ASTN1: variants seen among roughly 807,000 people sequenced by gnomAD.
The protein encoded by ASTN1 is astrotactin 1, also known as astrotactin-1.
Under a neutral mutation model 140.7 loss-of-function variants are expected in ASTN1, and 41 were observed. The observed-to-expected ratio is 0.29, with a 90% CI of 0.23 to 0.38. The LOEUF (loss-of-function observed/expected upper bound fraction) is 0.38, where lower values mean the gene tolerates loss of function less well. Among genes scored for constraint, ASTN1 ranks in the 10% least tolerant of loss-of-function variants. The pLI is 1.00. For missense variants in ASTN1, 1,479 were observed against 1,678.8 expected (o/e 0.88, Z 2.08); for synonymous variants, 640 against 652.2 (o/e 0.98, Z 0.29).
rs148991948 is a variant in ASTN1 at position 176,936,864 on chromosome 1, A to G, written c.2378-494T>C. On this transcript the variant is annotated intron_variant, in intron 14 of 22. Transcript: ENST00000361833. Reference sequence around the variant, plus strand: ...TTCAATTCGGATTTCTACCAGCTGTATGGTTTTGGGCCATGCAACTCATTT... The same window carrying G: ...TTCAATTCGGATTTCTACCAGCTGTGTGGTTTTGGGCCATGCAACTCATTT... Among the ~76,000 whole-genome samples the G allele has an allele frequency of 1.4e-4, 22 of 152,310 alleles. No individual in the cohort carries two copies. In the East Asian group the frequency reaches 4.2e-3, roughly 29 times the overall value.
intron 2 of ASTN1, among the ~76,000 whole-genome samples, chr1:177,044,202 CAT>C (rs1553248861): frequency 5.4e-5 from 8 of 147,516 alleles, no homozygotes; most frequent in East Asian, 1.9e-4. Flanking sequence ...CACACACACA[CAT>C]ACACACACAC....
chr1:177,112,933 T>C (rs1411620698), intron 1 of ASTN1, among the ~76,000 whole-genome samples: 1 of 152,216 alleles, frequency 6.6e-6, no homozygotes, highest in Non-Finnish European at 1.5e-5. Flanking sequence ...GAAGGTTCTC[T>C]TTCATATTCA....
chr1:176,919,767 C>G (rs1557960074), intron 16 of ASTN1, among the ~76,000 whole-genome samples: 1 of 152,230 alleles, frequency 6.6e-6, no homozygotes, highest in Non-Finnish European at 1.5e-5. Flanking sequence ...CAGGAGGGAC[C>G]AGGGCAGCCT....
chr1:177,147,900 A>T (rs1025271496), intron 1 of ASTN1, among the ~76,000 whole-genome samples: 4 of 152,146 alleles, frequency 2.6e-5, no homozygotes, highest in African/African-American at 7.2e-5. Flanking sequence ...AGCAATCCTG[A>T]CTTCCTCTGA....
intron 1 of ASTN1, among the ~76,000 whole-genome samples, chr1:177,086,856 A>G: frequency 6.6e-6 from 1 of 152,154 alleles, no homozygotes; most frequent in Admixed American, 6.5e-5. Context: ...AGAGGAAATA[A>G]TAGTTTTAAT....
intron 20 of ASTN1, among the ~76,000 whole-genome samples, chr1:176,882,622 C>T (rs1216370473): frequency 6.6e-6 from 1 of 151,882 alleles, no homozygotes; most frequent in Non-Finnish European, 1.5e-5. Flanking sequence ...TTTTTTATAT[C>T]TTTCCCCTCT....
At chr1:177,029,776 T>C (rs942617701) in intron 4 of ASTN1, 35 bp from the exon 5 acceptor site, 6 of 1,573,506 alleles carry the variant, frequency 3.8e-6, no homozygotes, top group African/African-American at 1.4e-5. Context: ...GAAAGCGTTT[T>C]CAGTTCTGGT....
rs1375091294 is a variant in ASTN1, at chr1:176,934,336, G to C, written c.2487C>G (p.Leu829=). The change falls in exon 16 of 23, where the codon CTC becomes CTG. Residue 829 remains leucine, a synonymous_variant. Transcript: ENST00000361833. ...KLNQVAISQA[L]SNALHSLDGA... ...CATCCAGCGAGTGGAGAGCATTGCT[G>C]AGGGCTATGGAGAGGCATCACCCAA... The C allele has an allele frequency of 6.2e-7, 1 of 1,602,980 alleles. No individual in the cohort carries two copies. The highest frequency in any genetic ancestry group is 1.7e-5 in the Admixed American group (1 of 59,840).
At chr1:176,981,530 A>C (rs536151265) in intron 8 of ASTN1, 1 of 152,336 alleles carries the variant, frequency 6.6e-6, no homozygotes, top group Non-Finnish European at 1.5e-5. Context: ...GCCACGTGAG[A>C]CACAGACACA....
At position 176,864,223 on chromosome 1, in the gene ASTN1, C is replaced by A. The variant is rs1668056929; in HGVS notation, c.*61G>T. On this transcript the variant is annotated 3_prime_UTR_variant, in exon 23 of 23. Transcript: ENST00000361833. The stretch of plus-strand genomic sequence containing the variant: ...AAAATATTAAAAATCCACAGACCAA[C>A]CCAGATGGATCCCTCCTCTTTCCTA... The A allele has an allele frequency of 1.3e-6, 2 of 1,585,354 alleles. No individual in the cohort carries two copies. Among genetic ancestry groups the A allele is most frequent in the African/African-American group, 2.7e-5 (2 of 74,208 alleles).
intron 1 of ASTN1, among the ~76,000 whole-genome samples, chr1:177,113,505 T>C (rs544491767): frequency 3.0e-4 from 45 of 152,378 alleles, no homozygotes; most frequent in African/African-American, 1.1e-3. Context: ...CCTTGCCTTC[T>C]TCCACTACCA....
At chr1:177,048,225 A>T (rs1053171228) in intron 2 of ASTN1, among the ~76,000 whole-genome samples, 1 of 152,080 alleles carries the variant, frequency 6.6e-6, no homozygotes, top group Non-Finnish European at 1.5e-5. Context: ...AATCTCCAGT[A>T]CCTCGGACGA....
At chr1:177,068,809 CTTCT>C (rs1678491552) in intron 1 of ASTN1, among the ~76,000 whole-genome samples, 1 of 150,116 alleles carries the variant, frequency 6.7e-6, no homozygotes, top group African/African-American at 2.5e-5. Context: ...TCTTTTTTTC[CTTCT>C]TTCTTTTCTT....
chr1:177,138,917 A>G lies in ASTN1; in HGVS notation c.283+25477T>C, dbSNP rs112323733. Reference sequence around the variant, plus strand: ...CAACCAATGTTCAGGAGCTTTGAATAAAACTTGGCTGTGGTCATTTAAAAT... The same window carrying G: ...CAACCAATGTTCAGGAGCTTTGAATGAAACTTGGCTGTGGTCATTTAAAAT... On this transcript the variant is annotated intron_variant, in intron 1 of 22. Coordinates refer to ENST00000361833, the MANE Select transcript of ASTN1 (RefSeq NM_004319.3). 2.5e-3 allele frequency among the ~76,000 whole-genome samples: 376 copies of G among 152,356 alleles called. 2 individuals are homozygous for G. The highest frequency in any genetic ancestry group is 8.2e-3 in the African/African-American group (339 of 41,586).
intron 9 of ASTN1, among the ~76,000 whole-genome samples, chr1:176,961,007 C>T (rs999877752): frequency 1.3e-5 from 2 of 152,190 alleles, no homozygotes; most frequent in Non-Finnish European, 2.9e-5. Flanking sequence ...TCCATCACCA[C>T]TCAGAAGAAT....
chr1:176,934,508 T>A (rs1237329134), intron 15 of ASTN1, among the ~76,000 whole-genome samples, 168 bp from the exon 16 acceptor site: 1 of 152,186 alleles, frequency 6.6e-6, no homozygotes, highest in Non-Finnish European at 1.5e-5. Context: ...AATGAGACAT[T>A]TCAGTTCCTA....
chr1:176,893,278 G>T (rs1055862216), intron 17 of ASTN1, among the ~76,000 whole-genome samples: 1 of 152,094 alleles, frequency 6.6e-6, no homozygotes, highest in African/African-American at 2.4e-5. Flanking sequence ...GACAAAGAGG[G>T]GCAGGTAAGG....
intron 1 of ASTN1, among the ~76,000 whole-genome samples, chr1:177,119,974 C>T (rs1263871257): frequency 6.6e-6 from 1 of 152,106 alleles, no homozygotes; most frequent in East Asian, 1.9e-4. Context: ...TGCCTTGTTG[C>T]ATGGTCCACT....
rs1667961629 is a variant in ASTN1, at chr1:176,861,536, G to A, written c.*2748C>T. The stretch of plus-strand genomic sequence containing the variant: ...AAGCATTAGGAAAAGTCAGCAGGTT[G>A]AGATCAATAGTGTCTTCCAAGGGGA... On this transcript the variant is annotated 3_prime_UTR_variant, in exon 23 of 23. Transcript: ENST00000361833. The A allele has an allele frequency of 2.0e-6, 2 of 985,768 alleles. No individual in the cohort carries two copies. Among genetic ancestry groups the A allele is most frequent in the South Asian group, 4.7e-5 (1 of 21,292 alleles). 61.1% of individuals were successfully genotyped at this position (985,768 alleles called of 1,614,324 possible).
Sources: allele counts gnomAD v4.1 joint callset (sites outside exome capture counted in the v4.1 genomes callset), GRCh38; gene constraint gnomAD v4.1.1; transcripts MANE v1.5; gene names NCBI Gene and HGNC (gene_info 2026-07-23, HGNC 2026-07-21).